Variants in DYNC2H1 observed in about 807,000 individuals in gnomAD.
DYNC2H1 encodes cytoplasmic dynein 2 heavy chain 1.
DYNC2H1 carries 410 observed loss-of-function variants against 570.0 expected under a neutral mutation model. That is an observed-to-expected ratio of 0.72 (90% CI 0.66 to 0.78). The LOEUF is 0.78. Among genes scored for constraint, DYNC2H1 ranks in the 30% least tolerant of loss-of-function variants. The probability of loss-of-function intolerance (pLI) is 0.00; values close to 1 mark genes in which losing one functional copy is unlikely to be tolerated. For missense variants in DYNC2H1, 4,865 were observed against 5,046.4 expected, an observed-to-expected ratio of 0.96 and a Z score of 1.09; for synonymous variants, 1,688 against 1,677.6, an observed-to-expected ratio of 1.01 and a Z score of -0.15.
intron 17 of DYNC2H1, among the ~76,000 whole-genome samples, chr11:103,138,639 A>G (rs529943858): frequency 2.0e-4 from 30 of 152,262 alleles, no homozygotes; most frequent in East Asian, 1.4e-3. Context: ...GGATTTTTAC[A>G]TCGATGTTCA....
chr11:103,422,841 A>T (rs934614023), intron 84 of DYNC2H1, among the ~76,000 whole-genome samples: 1 of 152,128 alleles, frequency 6.6e-6, no homozygotes, highest in African/African-American at 2.4e-5. Context: ...AGCCAGGGCA[A>T]TTGGGAAAGA....
chr11:103,154,736 A>G lies in DYNC2H1; in HGVS notation c.3500A>G (p.His1167Arg), dbSNP rs185613200. 335 of 1,573,650 alleles carry G rather than the reference A, an allele frequency of 2.1e-4. No individual in the cohort carries two copies. In the African/African-American group the frequency reaches 4.0e-3, roughly 19 times the overall value. Residue 1167 changes from histidine (H) to arginine (R), a missense_variant, in exon 24 of 89, where the codon CAT becomes CGT. By Grantham distance (29) the His-to-Arg change is conservative (BLOSUM62 0). Coordinates refer to ENST00000375735, the MANE Select transcript of DYNC2H1 (RefSeq NM_001377.3). ...YLFEEFLMNWHDRLRKVEEHS... is the reference protein window; with the variant it reads ...YLFEEFLMNWRDRLRKVEEHS... Reference sequence around the variant, plus strand: ...TTTGAGGAATTTTTGATGAACTGGCATGACAGATTAAGGAAGGTTGAAGAA... The same window carrying G: ...TTTGAGGAATTTTTGATGAACTGGCGTGACAGATTAAGGAAGGTTGAAGAA...
At chr11:103,431,862 G>T (rs557314148) in intron 84 of DYNC2H1, among the ~76,000 whole-genome samples, 3 of 152,272 alleles carry the variant, frequency 2.0e-5, no homozygotes, top group African/African-American at 7.2e-5. Flanking sequence ...AACTTTTGAA[G>T]TATTGGTTGT....
rs796302810 is a variant in DYNC2H1, at chr11:103,474,924, TA to T, written c.12766-4170del. Reference sequence around the variant, plus strand: ...CATTGTCTTCTTTCAAATAGTAGTGTATTGCTTGCTATTTGTAGAATGTATG... The same window carrying T: ...CATTGTCTTCTTTCAAATAGTAGTGTTTGCTTGCTATTTGTAGAATGTATG... On this transcript the variant is annotated intron_variant, in intron 88 of 88. Coordinates refer to ENST00000375735, the MANE Select transcript of DYNC2H1 (RefSeq NM_001377.3). Among the ~76,000 whole-genome samples, 67 of 152,300 alleles carry T rather than the reference TA, an allele frequency of 4.4e-4. No homozygotes were observed. In the Middle Eastern group the frequency reaches 0.017, roughly 39 times the overall value.
At chr11:103,214,584 C>G (rs1278999651) in intron 54 of DYNC2H1, among the ~76,000 whole-genome samples, 7 of 151,302 alleles carry the variant, frequency 4.6e-5, no homozygotes, top group Non-Finnish European at 1.0e-4. Flanking sequence ...AGCTGCGATA[C>G]AGGCAGGTGC....
At chr11:103,162,951 T>A (rs1861157909) in intron 29 of DYNC2H1, 77 bp from the exon 30 acceptor site, 9 of 1,315,478 alleles carry the variant, frequency 6.8e-6, no homozygotes, top group Non-Finnish European at 9.3e-6. Context: ...GATTGTATAT[T>A]TATTTTATGT....
At chr11:103,425,945 C>A (rs1943654739) in intron 84 of DYNC2H1, among the ~76,000 whole-genome samples, 1 of 114,460 alleles carries the variant, frequency 8.7e-6, no homozygotes, top group Admixed American at 9.0e-5. Flanking sequence ...CATAAACTGG[C>A]CATAAACAAA....
At position 103,166,024 on chromosome 11, in the gene DYNC2H1, A is replaced by C. The variant is rs1386450082; in HGVS notation, c.4738A>C (p.Ser1580Arg). The part of the protein sequence containing the change: ...KLEQYTNIDT[S>R]SEDPGNTESG... ...AGAGCAATATACTAACATTGATACA[A>C]GTTCTGAGGATCCAGGGAATACTGG... The change falls in exon 31 of 89, where the codon AGT becomes CGT. Residue 1580 changes from serine to arginine, a missense_variant. Coordinates refer to ENST00000375735, the MANE Select transcript of DYNC2H1 (RefSeq NM_001377.3). 1.3e-6 allele frequency: 2 copies of C among 1,531,124 alleles called. No individual in the cohort carries two copies. Among genetic ancestry groups the C allele is most frequent in the Non-Finnish European group, 8.8e-7 (1 of 1,137,666 alleles). The allele number at this position is 1,531,124 out of a possible 1,614,324, so 94.8% of individuals were successfully genotyped here. A position where few individuals can be genotyped will look rare whatever the true frequency, so the allele number is the denominator to read the frequency against.
At chr11:103,120,331 C>CT (rs762717435) in intron 6 of DYNC2H1, 116 bp from the exon 7 acceptor site, 123 of 1,018,242 alleles carry the variant, frequency 1.2e-4, no homozygotes, top group Non-Finnish European at 1.4e-4. Context: ...TTGGTTTTTT[C>CT]TTTTTTTAGT....
chr11:103,312,560 A>C (rs1867647236), intron 79 of DYNC2H1, among the ~76,000 whole-genome samples: 1 of 111,208 alleles, frequency 9.0e-6, no homozygotes, highest in Non-Finnish European at 2.0e-5. Context: ...AAAAAAAAAA[A>C]AAAAAACCAA....
rs369588312 is a variant in DYNC2H1 at position 103,462,405 on chromosome 11, T to C, written c.12648+6049T>C. Among the ~76,000 whole-genome samples, 1,076 of 151,934 alleles carry C rather than the reference T, an allele frequency of 7.1e-3. 15 individuals are homozygous for C. The highest frequency in any genetic ancestry group is 0.024 in the African/African-American group (999 of 41,548). On this transcript the variant is annotated intron_variant, in intron 87 of 88. Coordinates refer to ENST00000375735, the MANE Select transcript of DYNC2H1 (RefSeq NM_001377.3). ...AGGCACACACGTGTTGTTTTCTTGT[T>C]TTTAGTCATGCTAACATTGATTCAT...
At chr11:103,344,729 TC>T (rs1304697325) in intron 82 of DYNC2H1, among the ~76,000 whole-genome samples, 2 of 152,334 alleles carry the variant, frequency 1.3e-5, no homozygotes, top group African/African-American at 4.8e-5. Context: ...TTATGTGTAT[TC>T]TTCTGATTTT....
chr11:103,438,324 G>A (rs1255225502), intron 85 of DYNC2H1, among the ~76,000 whole-genome samples: 1 of 151,932 alleles, frequency 6.6e-6, no homozygotes, highest in Admixed American at 6.6e-5. Context: ...TTTCATCTGT[G>A]CCTTCTCTGT....
At chr11:103,477,094 T>A (rs1315782839) in intron 88 of DYNC2H1, among the ~76,000 whole-genome samples, 1 of 152,104 alleles carries the variant, frequency 6.6e-6, no homozygotes, top group Non-Finnish European at 1.5e-5. Flanking sequence ...GTGAAACTGA[T>A]GTTCGGAGAG....
At chr11:103,168,722 TC>T (rs779798485) in intron 31 of DYNC2H1, 32 bp from the exon 32 acceptor site, 1 of 1,593,692 alleles carries the variant, frequency 6.3e-7, no homozygotes, top group Non-Finnish European at 8.6e-7. Context: ...GCTAACATTT[TC>T]TCCAATTGTC....
chr11:103,456,130 C>A, intron 86 of DYNC2H1, 145 bp from the exon 87 acceptor site: 1 of 545,790 alleles, frequency 1.8e-6, no homozygotes, highest in Non-Finnish European at 2.9e-6. Flanking sequence ...TGAACTCTGA[C>A]ATATTATGCA....
chr11:103,215,641 T>C, intron 54 of DYNC2H1, 80 bp from the exon 55 acceptor site: 1 of 1,349,680 alleles, frequency 7.4e-7, no homozygotes, highest in Non-Finnish European at 9.6e-7. Context: ...TTTGCTTGAT[T>C]CTTTTCTATA....
chr11:103,162,766 A>G (rs1381981117), intron 29 of DYNC2H1, among the ~76,000 whole-genome samples: 1 of 152,154 alleles, frequency 6.6e-6, no homozygotes, highest in Non-Finnish European at 1.5e-5. Context: ...TTAGCCACAA[A>G]TTTATGTTTT....
At chr11:103,135,400 A>T (rs1458589714) in intron 15 of DYNC2H1, 95 bp from the exon 16 acceptor site, 1 of 1,160,346 alleles carries the variant, frequency 8.6e-7, no homozygotes, top group Non-Finnish European at 1.1e-6. Context: ...TATTTTTGTG[A>T]TTATAATTGT....
Sources: gnomAD v4.1 joint callset for allele counts (sites outside exome capture counted in the v4.1 genomes callset) on GRCh38, gnomAD v4.1.1 for gene constraint, MANE v1.5 for transcripts, NCBI Gene and HGNC (gene_info 2026-07-23, HGNC 2026-07-21) for gene names.